The following LHFPL3 variants were observed in gnomAD, a reference collection of about 807,000 sequenced individuals.
LHFPL3 encodes LHFPL tetraspan subfamily member 3.
In LHFPL3, 5 loss-of-function variants were observed where a neutral mutation model predicts 19.3. The observed-to-expected ratio is 0.26, with a 90% CI of 0.14 to 0.54. The LOEUF (loss-of-function observed/expected upper bound fraction) is 0.54. LHFPL3 is among the 20% of genes least tolerant of loss of function. The pLI, the probability that LHFPL3 is intolerant of heterozygous loss-of-function variation, is 0.94. For synonymous variants in LHFPL3, 133 were observed against 126.2 expected, an observed-to-expected ratio of 1.05 and a Z score of -0.36; for missense variants, 249 against 307.4, an observed-to-expected ratio of 0.81 and a Z score of 1.42.
intron 1 of LHFPL3, among the ~76,000 whole-genome samples, chr7:104,686,944 T>A (rs1031492981): frequency 6.6e-6 from 1 of 152,174 alleles, no homozygotes; most frequent in Non-Finnish European, 1.5e-5. Context: ...TCAGCTCTCA[T>A]GAGAACTCAC....
intron 1 of LHFPL3, among the ~76,000 whole-genome samples, chr7:104,571,404 A>G (rs1478787473): frequency 2.0e-5 from 3 of 152,002 alleles, no homozygotes; most frequent in African/African-American, 7.3e-5. Flanking sequence ...TGCGGGATAG[A>G]GTTCTGTGTT....
At position 104,455,650 on chromosome 7, in the gene LHFPL3, G is replaced by C. The variant is rs1355828877; in HGVS notation, c.445+126426G>C. ...GCAGGAAAATTACTTGAACCTGGGA[G>C]GTTGAGGTTGCAGTGAGCCAAGATC... On this transcript the variant is annotated intron_variant, in intron 1 of 2. Coordinates refer to ENST00000424859, the MANE Select transcript of LHFPL3 (RefSeq NM_199000.3). 2.6e-5 allele frequency among the ~76,000 whole-genome samples: 4 copies of C among 152,144 alleles called. No individual in the cohort carries two copies. In the East Asian group the frequency reaches 7.7e-4, roughly 29 times the overall value.
chr7:104,814,476 C>A (rs894198058), intron 2 of LHFPL3, among the ~76,000 whole-genome samples: 1 of 152,140 alleles, frequency 6.6e-6, no homozygotes, highest in Non-Finnish European at 1.5e-5. Flanking sequence ...GAAGTGCATG[C>A]TGATTGGTCC....
In LHFPL3 at chr7:104,378,149, T is replaced by G. The variant is rs148857539; in HGVS notation, c.445+48925T>G. On this transcript the variant is annotated intron_variant, in intron 1 of 2. Coordinates refer to ENST00000424859, the MANE Select transcript of LHFPL3 (RefSeq NM_199000.3). ...GTGGGTACCTAGTAGGTGTATGTAT[T>G]TATGAGGTACATGAGGTACCTTAAT... 5.6e-3 allele frequency among the ~76,000 whole-genome samples: 855 copies of G among 152,332 alleles called. 2 individuals carry two copies. Among genetic ancestry groups the G allele is most frequent in the African/African-American group, 0.02 (819 of 41,580 alleles).
chr7:104,561,825 T>G, intron 1 of LHFPL3, among the ~76,000 whole-genome samples: 1 of 152,238 alleles, frequency 6.6e-6, no homozygotes, highest in East Asian at 1.9e-4. Context: ...TGGTACTGGT[T>G]GTTCCTTTCC....
At chr7:104,356,244 G>C (rs1790272400) in intron 1 of LHFPL3, among the ~76,000 whole-genome samples, 1 of 152,204 alleles carries the variant, frequency 6.6e-6, no homozygotes, top group African/African-American at 2.4e-5. Flanking sequence ...GGAGAGTAGA[G>C]TAGATAAAAG....
chr7:104,803,597 C>G (rs1056601088), intron 2 of LHFPL3: 1 of 152,222 alleles, frequency 6.6e-6, no homozygotes, highest in Non-Finnish European at 1.5e-5. Flanking sequence ...AAACATCACT[C>G]TCTCCTGGGA....
At chr7:104,682,380 C>T (rs759233899) in intron 1 of LHFPL3, among the ~76,000 whole-genome samples, 2 of 152,164 alleles carry the variant, frequency 1.3e-5, no homozygotes, top group Non-Finnish European at 2.9e-5. Flanking sequence ...ACCCACTGAA[C>T]CGGAATCTGC....
intron 2 of LHFPL3, among the ~76,000 whole-genome samples, chr7:104,857,869 G>A (rs560745054): frequency 1.1e-4 from 16 of 152,290 alleles, no homozygotes; most frequent in South Asian, 4.1e-4. Flanking sequence ...CAAGAGCAGC[G>A]GGGAGTTTTC....
intron 2 of LHFPL3, among the ~76,000 whole-genome samples, chr7:104,739,425 T>C (rs955953313): frequency 3.9e-5 from 6 of 152,224 alleles, no homozygotes; most frequent in Non-Finnish European, 8.8e-5. Flanking sequence ...CAAAATTAAA[T>C]GTCATCAATG....
At chr7:104,709,667 T>G (rs1793259794) in intron 1 of LHFPL3, among the ~76,000 whole-genome samples, 2 of 151,806 alleles carry the variant, frequency 1.3e-5, no homozygotes, top group African/African-American at 4.8e-5. Context: ...GATCTCTCTT[T>G]CTTTTCCCCA....
At chr7:104,405,786 T>C (rs1791401489) in intron 1 of LHFPL3, among the ~76,000 whole-genome samples, 2 of 152,116 alleles carry the variant, frequency 1.3e-5, no homozygotes, top group South Asian at 4.1e-4. Flanking sequence ...AAAGCATGGG[T>C]GTGTTTGAGA....
At chr7:104,417,875 C>CTTTT in intron 1 of LHFPL3, among the ~76,000 whole-genome samples, 1 of 123,532 alleles carries the variant, frequency 8.1e-6, no homozygotes, top group African/African-American at 3.4e-5. Flanking sequence ...TCTTCTTCTT[C>CTTTT]TTCTTCTTCT....
chr7:104,526,806 C>A lies in LHFPL3; in HGVS notation c.445+197582C>A, dbSNP rs143367297. 2.9e-3 allele frequency among the ~76,000 whole-genome samples: 448 copies of A among 152,270 alleles called. 4 individuals are homozygous for A. Among genetic ancestry groups the A allele is most frequent in the African/African-American group, 9.5e-3 (395 of 41,558 alleles). On this transcript the variant is annotated intron_variant, in intron 1 of 2. Transcript: ENST00000424859. Reference sequence around the variant, plus strand: ...CAACAGGGACAGACACCCACTCATTCAACAGTTGTTTAGGGTACCTATTAA... The same window carrying A: ...CAACAGGGACAGACACCCACTCATTAAACAGTTGTTTAGGGTACCTATTAA...
At chr7:104,816,884 C>T (rs1790567231) in intron 2 of LHFPL3, among the ~76,000 whole-genome samples, 1 of 152,182 alleles carries the variant, frequency 6.6e-6, no homozygotes, top group South Asian at 2.1e-4. Flanking sequence ...TCCAAGCCTG[C>T]CTCATGAACC....
intron 1 of LHFPL3, among the ~76,000 whole-genome samples, chr7:104,706,103 C>G (rs144849667): frequency 6.6e-5 from 10 of 152,296 alleles, no homozygotes; most frequent in Non-Finnish European, 1.2e-4. Flanking sequence ...GACACATTCT[C>G]AGGCCTCCAT....
Position 104,686,628 on chromosome 7 carries a change from T to C in LHFPL3, c.446-50047T>C, listed in dbSNP as rs530424730. On this transcript the variant is annotated intron_variant, in intron 1 of 2. Transcript: ENST00000424859. ...TACCTAGAGGTAGCATCAGATCCCATAGGTTGAGGGCTCAGTCTCACAAGA... is the reference window on the plus strand; with the variant it reads ...TACCTAGAGGTAGCATCAGATCCCACAGGTTGAGGGCTCAGTCTCACAAGA... Among the ~76,000 whole-genome samples, 15 of 152,126 alleles carry C rather than the reference T, an allele frequency of 9.9e-5. No individual in the cohort carries two copies. In the East Asian group the frequency reaches 2.5e-3, roughly 26 times the overall value.
intron 1 of LHFPL3, among the ~76,000 whole-genome samples, chr7:104,583,743 CA>C (rs1298052912): frequency 3.9e-5 from 6 of 151,958 alleles, no homozygotes; most frequent in African/African-American, 1.5e-4. Flanking sequence ...AAATGCAAAT[CA>C]AAACCACAAT....
Position 104,347,712 on chromosome 7 carries a change from C to T in LHFPL3, c.445+18488C>T, listed in dbSNP as rs544487945. 8.8e-4 allele frequency among the ~76,000 whole-genome samples: 133 copies of T among 151,990 alleles called. 1 individual carries two copies. The highest frequency in any genetic ancestry group is 3.0e-3 in the African/African-American group (124 of 41,494). ...TTCAAGACCAGCCTGGCCAACATGG[C>T]GAAACCCCATCTCTACTAAAAATAC... On this transcript the variant is annotated intron_variant, in intron 1 of 2. Coordinates refer to ENST00000424859, the MANE Select transcript of LHFPL3 (RefSeq NM_199000.3).
Sources: gnomAD v4.1 joint callset for allele counts (sites outside exome capture counted in the v4.1 genomes callset) on GRCh38, gnomAD v4.1.1 for gene constraint, MANE v1.5 for transcripts, NCBI Gene and HGNC (gene_info 2026-07-23, HGNC 2026-07-21) for gene names.